SLC12A1: variants seen among roughly 807,000 people sequenced by gnomAD.
SLC12A1 encodes solute carrier family 12 member 1.
SLC12A1 carries 89 observed loss-of-function variants against 130.4 expected under a neutral mutation model. The ratio of observed to expected loss-of-function variants is 0.68; its 90% confidence interval spans 0.58 to 0.81. The LOEUF is 0.81. Among genes scored for constraint, SLC12A1 ranks in the 40% least tolerant of loss-of-function variants. SLC12A1 has a pLI of 0.00. For synonymous variants in SLC12A1, 499 were observed against 460.0 expected, an observed-to-expected ratio of 1.08 and a Z score of -1.09; for missense variants, 1,310 against 1,336.4, an observed-to-expected ratio of 0.98 and a Z score of 0.31.
At chr15:48,241,733 T>C in intron 10 of SLC12A1, 134 bp downstream of exon 10, 2 of 677,946 alleles carry the variant, frequency 3.0e-6, no homozygotes, top group Non-Finnish European at 5.3e-6. Context: ...TCTTGGTACC[T>C]TAATGTTAAT....
At chr15:48,220,314 C>T (rs953722963) in intron 2 of SLC12A1, among the ~76,000 whole-genome samples, 2 of 152,026 alleles carry the variant, frequency 1.3e-5, no homozygotes, top group African/African-American at 4.8e-5. Flanking sequence ...CCTTGTAGCC[C>T]TTCTCTCTTT....
chr15:48,257,688 C>T (rs1197357595), intron 16 of SLC12A1, among the ~76,000 whole-genome samples: 1 of 152,132 alleles, frequency 6.6e-6, no homozygotes, highest in Non-Finnish European at 1.5e-5. Flanking sequence ...CACCAAGTCC[C>T]TAGGCTGCAC....
intron 20 of SLC12A1, among the ~76,000 whole-genome samples, chr15:48,280,327 A>G (rs2041998175): frequency 6.6e-6 from 1 of 152,212 alleles, no homozygotes; most frequent in African/African-American, 2.4e-5. Flanking sequence ...TGGCATTTAC[A>G]TGACAGTATG....
intron 25 of SLC12A1, 93 bp from the exon 26 acceptor site, chr15:48,301,222 T>C (rs1597464964): frequency 2.3e-6 from 2 of 855,278 alleles, no homozygotes; most frequent in East Asian, 2.7e-5. Flanking sequence ...TTTTTTAAGA[T>C]GAGATTTTCT....
chr15:48,261,826 T>C (rs1175791626), intron 17 of SLC12A1, among the ~76,000 whole-genome samples: 1 of 152,196 alleles, frequency 6.6e-6, no homozygotes, highest in Non-Finnish European at 1.5e-5. Context: ...TTTCAAATCA[T>C]TATTTTGCCA....
chr15:48,258,967 A>G (rs1477633060), intron 16 of SLC12A1, among the ~76,000 whole-genome samples: 1 of 152,218 alleles, frequency 6.6e-6, no homozygotes, highest in African/African-American at 2.4e-5. Flanking sequence ...TATCAGGACC[A>G]TAAGACCACT....
intron 5 of SLC12A1, chr15:48,227,627 T>A (rs1359713425): frequency 6.0e-6 from 1 of 165,708 alleles, no homozygotes; most frequent in African/African-American, 2.4e-5. Context: ...CAAGGGAAGA[T>A]CATTAGAAGG....
In SLC12A1 at chr15:48,283,377, G is replaced by C. The variant is rs79394821; in HGVS notation, c.2486-1729G>C. On this transcript the variant is annotated intron_variant, in intron 20 of 26. Coordinates refer to ENST00000380993, the MANE Select transcript of SLC12A1 (RefSeq NM_000338.3). ...AGCTGTAATTGGTTGTGACCCCCCA[G>C]TGCAATGCAGCTTGTCTTCTCCTTT... Among the ~76,000 whole-genome samples, 262 of 152,352 alleles carry C rather than the reference G, an allele frequency of 1.7e-3. 5 individuals carry two copies. In the East Asian group the frequency reaches 0.048, roughly 28 times the overall value.
intron 6 of SLC12A1, 64 bp downstream of exon 6, chr15:48,229,392 G>T (rs1311548503): frequency 2.7e-6 from 4 of 1,472,220 alleles, no homozygotes; most frequent in Admixed American, 2.0e-5. Context: ...GCCTTCTCAG[G>T]GCACTAAGGG....
chr15:48,286,965 C>A (rs1331875028), intron 21 of SLC12A1, among the ~76,000 whole-genome samples: 1 of 152,168 alleles, frequency 6.6e-6, no homozygotes, highest in Non-Finnish European at 1.5e-5. Flanking sequence ...GATGTAAAAA[C>A]AATATCAGAT....
intron 24 of SLC12A1, among the ~76,000 whole-genome samples, chr15:48,293,823 T>A (rs1422751302): frequency 6.6e-6 from 1 of 150,650 alleles, no homozygotes; most frequent in Non-Finnish European, 1.5e-5. Flanking sequence ...GACGGGAGGA[T>A]CACTTGAGCC....
At chr15:48,258,667 G>A (rs1040295033) in intron 16 of SLC12A1, among the ~76,000 whole-genome samples, 4 of 152,044 alleles carry the variant, frequency 2.6e-5, no homozygotes, top group African/African-American at 4.8e-5. Context: ...ACATTTTTGG[G>A]TATCTTTACA....
intron 16 of SLC12A1, 133 bp from the exon 17 acceptor site, chr15:48,259,067 G>C (rs745380750): frequency 1.8e-5 from 11 of 615,380 alleles, no homozygotes; most frequent in Non-Finnish European, 2.6e-5. Flanking sequence ...ATACTGGTGC[G>C]AAACCCAAAA....
intron 20 of SLC12A1, among the ~76,000 whole-genome samples, chr15:48,276,470 T>C (rs552308429): frequency 1.3e-5 from 2 of 152,272 alleles, no homozygotes; most frequent in African/African-American, 4.8e-5. Flanking sequence ...CCTAATCCAA[T>C]ATTACTGATG....
intron 19 of SLC12A1, among the ~76,000 whole-genome samples, chr15:48,272,602 T>C (rs1420268014): frequency 1.3e-5 from 2 of 151,952 alleles, no homozygotes; most frequent in African/African-American, 2.4e-5. Context: ...AATTTTTATA[T>C]TTTTTAGTAG....
intron 5 of SLC12A1, chr15:48,227,241 T>C (rs777146063): frequency 8.8e-7 from 1 of 1,137,000 alleles, no homozygotes; most frequent in African/African-American, 1.5e-5. Flanking sequence ...TAATTTACTA[T>C]TGGAAGTGAA....
chr15:48,300,191 G>C (rs561990236), intron 25 of SLC12A1, among the ~76,000 whole-genome samples: 23 of 152,056 alleles, frequency 1.5e-4, no homozygotes, highest in African/African-American at 5.5e-4. Flanking sequence ...AAATTAGCCT[G>C]GTGAGGTAGC....
chr15:48,282,035 G>A lies in SLC12A1; in HGVS notation c.2486-3071G>A, dbSNP rs187425866. 1.1e-3 allele frequency among the ~76,000 whole-genome samples: 172 copies of A among 152,274 alleles called. 1 individual carries two copies. The highest frequency in any genetic ancestry group is 3.7e-3 in the African/African-American group (152 of 41,558). ...TCACTTCTGTTTAGTGTTGAAATGC[G>A]AAAAGGAAGGAGTGCACAGAAGGAG... is the stretch of plus-strand genomic sequence containing the variant. On this transcript the variant is annotated intron_variant, in intron 20 of 26. Transcript: ENST00000380993.
intron 13 of SLC12A1, among the ~76,000 whole-genome samples, chr15:48,248,503 G>A (rs1244668368): frequency 6.6e-6 from 1 of 152,152 alleles, no homozygotes; most frequent in Non-Finnish European, 1.5e-5. Flanking sequence ...AAGTGCATTG[G>A]CTCCACCCAT....
Sources: gnomAD v4.1 joint callset for allele counts (sites outside exome capture counted in the v4.1 genomes callset) on GRCh38, gnomAD v4.1.1 for gene constraint, MANE v1.5 for transcripts, NCBI Gene and HGNC (gene_info 2026-07-23, HGNC 2026-07-21) for gene names.